The following EML1 variants were observed in gnomAD, a reference collection of about 807,000 sequenced individuals.
EML1 encodes the protein EMAP like 1.
EML1 carries 27 observed loss-of-function variants against 110.4 expected under a neutral mutation model. The observed-to-expected ratio is 0.24, with a 90% CI of 0.18 to 0.34. The LOEUF is 0.34. Ranked by LOEUF, EML1 falls within the 10% of genes least tolerant of loss-of-function variation. EML1 has a pLI of 1.00. For missense variants in EML1, 741 were observed against 1,030.9 expected (o/e 0.72, Z 3.85); for synonymous variants, 344 against 385.8 (o/e 0.89, Z 1.27).
At chr14:99,821,311 A>C (rs1376629263) in intron 1 of EML1, among the ~76,000 whole-genome samples, 2 of 152,096 alleles carry the variant, frequency 1.3e-5, no homozygotes, top group Non-Finnish European at 2.9e-5. Flanking sequence ...CCAGCCTCTT[A>C]CTTTAACTTT....
intron 1 of EML1, among the ~76,000 whole-genome samples, chr14:99,818,976 CAG>C (rs1459090539): frequency 6.6e-6 from 1 of 152,136 alleles, no homozygotes; most frequent in South Asian, 2.1e-4. Context: ...TTTTTAGAGA[CAG>C]GGTCTCGCTC....
At chr14:99,816,478 T>TC (rs2058170017) in intron 1 of EML1, among the ~76,000 whole-genome samples, 1 of 152,202 alleles carries the variant, frequency 6.6e-6, no homozygotes, top group South Asian at 2.1e-4. Flanking sequence ...TTGATTTGAT[T>TC]CCCACAACCA....
At position 99,905,437 on chromosome 14, in the gene EML1, T is replaced by G. The variant is rs1023021897; in HGVS notation, c.1009-2201T>G. On this transcript the variant is annotated intron_variant, in intron 9 of 21. Coordinates refer to ENST00000262233, the MANE Select transcript of EML1 (RefSeq NM_004434.3). This position sits in a 1 kb window ranked among gnomAD's most constrained non-coding sequence, Gnocchi z 4.1. ...GGGAAAAAGGAGAGAGAGAAAAGCA[T>G]TCCCTGTGGCAGGGCGGGGAAGGTG... Among the ~76,000 whole-genome samples the G allele has an allele frequency of 1.3e-5, 2 of 152,106 alleles. No homozygotes were observed. Among genetic ancestry groups the G allele is most frequent in the African/African-American group, 4.8e-5 (2 of 41,430 alleles).
chr14:99,850,423 C>T (rs545450966), intron 1 of EML1: 4 of 1,130,522 alleles, frequency 3.5e-6, no homozygotes, highest in Non-Finnish European at 4.7e-6. Context: ...GATAGGGTGG[C>T]CTTGTGATTG....
At chr14:99,820,712 C>T (rs115032050) in intron 1 of EML1, among the ~76,000 whole-genome samples, 4,726 of 152,180 alleles carry the variant, frequency 0.031, 96 homozygotes, top group Non-Finnish European at 0.041. Context: ...CAAATTGAAG[C>T]TATATTTTGC....
intron 8 of EML1, chr14:99,899,522 G>A (rs552256095): frequency 1.2e-4 from 18 of 152,070 alleles, no homozygotes; most frequent in East Asian, 9.7e-4. Flanking sequence ...TCACCACATC[G>A]CCCAGGCTGG....
At chr14:99,767,547 T>C (rs1363972865) in intron 1 of EML1, among the ~76,000 whole-genome samples, 2 of 151,614 alleles carry the variant, frequency 1.3e-5, no homozygotes, top group African/African-American at 4.9e-5. Context: ...GAGGCGGAGG[T>C]TGCAGCGAGC....
At chr14:99,838,406 G>A (rs1004700081) in intron 1 of EML1, among the ~76,000 whole-genome samples, 2 of 152,168 alleles carry the variant, frequency 1.3e-5, no homozygotes, top group African/African-American at 2.4e-5. Context: ...AAGTGAGGAT[G>A]TCTATCTGGA....
intron 1 of EML1, among the ~76,000 whole-genome samples, chr14:99,775,501 G>A (rs924210308): frequency 3.9e-5 from 6 of 152,202 alleles, no homozygotes; most frequent in Non-Finnish European, 7.3e-5. Context: ...TACAGCAAGT[G>A]CTTCACTTCA....
chr14:99,852,327 T>G (rs2058824690), intron 2 of EML1, among the ~76,000 whole-genome samples: 1 of 152,176 alleles, frequency 6.6e-6, no homozygotes, highest in South Asian at 2.1e-4. Context: ...AAAAATACCT[T>G]TCATTGGCTG....
At chr14:99,848,548 C>A (rs56309136) in intron 1 of EML1, among the ~76,000 whole-genome samples, 38,099 of 152,062 alleles carry the variant, frequency 0.25, 5,210 homozygotes, top group Non-Finnish European at 0.3. Flanking sequence ...ATATAAAATA[C>A]TGAAATCTTG....
intron 3 of EML1, among the ~76,000 whole-genome samples, chr14:99,867,595 T>C (rs1187095105): frequency 6.6e-6 from 1 of 152,212 alleles, no homozygotes; most frequent in Non-Finnish European, 1.5e-5. Context: ...GTAAATAGAA[T>C]TAATTTCTTA....
intron 1 of EML1, among the ~76,000 whole-genome samples, chr14:99,796,187 AGAG>A (rs1421084522): frequency 5.1e-3 from 64 of 12,434 alleles, no homozygotes; most frequent in African/African-American, 0.045. Context: ...ACCCTGTCTC[AGAG>A]AGAGAGAGAG....
intron 1 of EML1, among the ~76,000 whole-genome samples, chr14:99,824,240 G>A (rs1358294499): frequency 2.0e-5 from 3 of 152,126 alleles, no homozygotes; most frequent in Admixed American, 6.5e-5. Flanking sequence ...GATTACAGGC[G>A]TGAGCCACCA....
intron 1 of EML1, among the ~76,000 whole-genome samples, chr14:99,794,940 G>GT (rs751475749): frequency 2.0e-5 from 3 of 152,104 alleles, no homozygotes; most frequent in Non-Finnish European, 4.4e-5. Context: ...TTTTGAATAG[G>GT]TTCCTTAATT....
chr14:99,920,732 A>G (rs1298052663), intron 16 of EML1, 57 bp from the exon 17 acceptor site: 2 of 1,384,222 alleles, frequency 1.4e-6, no homozygotes, highest in African/African-American at 1.4e-5. Context: ...CCACTATTAT[A>G]TAATCTTCAT....
intron 1 of EML1, among the ~76,000 whole-genome samples, chr14:99,823,613 G>A (rs2058301486): frequency 1.3e-5 from 2 of 152,130 alleles, no homozygotes; most frequent in South Asian, 2.1e-4. Flanking sequence ...TAGATTGAGT[G>A]TCTCCAGGGT....
intron 1 of EML1, among the ~76,000 whole-genome samples, chr14:99,837,441 C>T (rs2058558175): frequency 6.6e-6 from 1 of 152,144 alleles, no homozygotes; most frequent in African/African-American, 2.4e-5. Context: ...CACTGTTACT[C>T]CATCTTGGCT....
intron 3 of EML1, among the ~76,000 whole-genome samples, chr14:99,872,229 C>T (rs985309599): frequency 1.3e-5 from 2 of 152,138 alleles, no homozygotes; most frequent in Non-Finnish European, 2.9e-5. Flanking sequence ...CTTACACCCC[C>T]ACATTTCAGC....
Sources: allele counts gnomAD v4.1 joint callset (sites outside exome capture counted in the v4.1 genomes callset), GRCh38; gene constraint gnomAD v4.1.1; non-coding constraint Gnocchi (gnomAD v3.1); transcripts MANE v1.5; gene names NCBI Gene and HGNC (gene_info 2026-07-23, HGNC 2026-07-21).